Variants in TRMT11 observed in about 807,000 individuals in gnomAD.
TRMT11 encodes tRNA (guanine(10)-N(2))-methyltransferase TRMT11.
A neutral mutation model predicts 62.8 loss-of-function variants in TRMT11; 53 were observed. The observed-to-expected ratio is 0.84, with a 90% confidence interval of 0.68 to 1.06. TRMT11 has a LOEUF of 1.06. Ranked by LOEUF, TRMT11 falls within the 50% of genes least tolerant of loss-of-function variation. The pLI is 0.00. For missense variants in TRMT11, 556 were observed against 553.4 expected, an observed-to-expected ratio of 1.00 and a Z score of -0.05; for synonymous variants, 188 against 190.3, an observed-to-expected ratio of 0.99 and a Z score of 0.10.
intron 16 of TRMT11, among the ~76,000 whole-genome samples, chr6:126,045,187 C>T (rs76224572): frequency 7.9e-6 from 1 of 126,902 alleles, no homozygotes; most frequent in East Asian, 2.4e-4. Context: ...GACTCCATCT[C>T]AAAAAAAAAA....
intron 17 of TRMT11, among the ~76,000 whole-genome samples, chr6:126,111,903 C>T (rs1394513877): frequency 6.6e-6 from 1 of 152,088 alleles, no homozygotes; most frequent in African/African-American, 2.4e-5. Context: ...TGCCTAATTT[C>T]TAGTGTGGCT....
chr6:126,072,306 T>G (rs991931158), intron 17 of TRMT11, among the ~76,000 whole-genome samples: 6 of 152,204 alleles, frequency 3.9e-5, no homozygotes, highest in African/African-American at 1.4e-4. Flanking sequence ...CTGAGTCTGA[T>G]CCTCATATGA....
At chr6:126,089,521 C>T (rs192639316) in intron 17 of TRMT11, among the ~76,000 whole-genome samples, 17 of 152,228 alleles carry the variant, frequency 1.1e-4, no homozygotes, top group African/African-American at 3.1e-4. Context: ...AAACTTACCC[C>T]GGGTCACATG....
chr6:126,011,418 G>A lies in TRMT11; in HGVS notation c.925+1G>A, dbSNP rs187345220. 65 of 1,606,362 alleles carry A rather than the reference G, an allele frequency of 4.0e-5. No individual in the cohort carries two copies. The Admixed American group carries it at 7.7e-4, about 19-fold the overall frequency. On this transcript the variant is annotated splice_donor_variant, in intron 9 of 12. Transcript: ENST00000334379. LOFTEE classifies it high-confidence loss of function. ...TATTTTGATGCAATCATTACTGATC[G>A]TAAGTTTATTTTTATACAAAAGTAG...
chr6:126,131,081 T>C (rs945268051), intron 21 of TRMT11, among the ~76,000 whole-genome samples: 12 of 152,080 alleles, frequency 7.9e-5, no homozygotes, highest in African/African-American at 2.7e-4. Context: ...TTGGCAGACA[T>C]AGACAAACAC....
At chr6:126,208,507 C>T (rs998715931), downstream of TRMT11, among the ~76,000 whole-genome samples, 2 of 151,864 alleles carry the variant, frequency 1.3e-5, no homozygotes, top group African/African-American at 4.8e-5. Context: ...ACGTGAAAAC[C>T]AAAACATATA....
chr6:126,169,172 G>A (rs1398691227), intron 21 of TRMT11, among the ~76,000 whole-genome samples: 2 of 152,160 alleles, frequency 1.3e-5, no homozygotes, highest in South Asian at 2.1e-4. Context: ...AATGTGACAC[G>A]TGCTCCCAGT....
intron 21 of TRMT11, among the ~76,000 whole-genome samples, chr6:126,158,835 G>C (rs1021037860): frequency 6.6e-6 from 1 of 152,090 alleles, no homozygotes; most frequent in Non-Finnish European, 1.5e-5. Context: ...AGTTACTGTG[G>C]GAAGTTCTAG....
chr6:125,987,030 G>A (rs958578012), intron 1 of TRMT11: 12 of 187,120 alleles, frequency 6.4e-5, no homozygotes. Flanking sequence ...TGATGGAGAA[G>A]TTGAGAAGAG....
chr6:125,997,726 C>G (rs1791770941), intron 3 of TRMT11, among the ~76,000 whole-genome samples: 1 of 152,214 alleles, frequency 6.6e-6, no homozygotes, highest in Non-Finnish European at 1.5e-5. Context: ...CCAGGCTGGT[C>G]TTGAACTCCT....
At chr6:126,000,006 C>T (rs1336124986) in intron 7 of TRMT11, among the ~76,000 whole-genome samples, 1 of 152,154 alleles carries the variant, frequency 6.6e-6, no homozygotes, top group Admixed American at 6.6e-5. Flanking sequence ...TAAATGTACT[C>T]ATACAGTTTA....
At chr6:126,149,524 C>T (rs1375538689) in intron 21 of TRMT11, among the ~76,000 whole-genome samples, 1 of 152,136 alleles carries the variant, frequency 6.6e-6, no homozygotes, top group Non-Finnish European at 1.5e-5. Flanking sequence ...AAAAGTGAAA[C>T]TCAGTAACTT....
At chr6:126,072,080 C>T (rs1776875644) in intron 17 of TRMT11, among the ~76,000 whole-genome samples, 1 of 152,128 alleles carries the variant, frequency 6.6e-6, no homozygotes, top group Non-Finnish European at 1.5e-5. Context: ...TCACTTGCAC[C>T]TAGTTCAGAG....
chr6:126,031,991 G>A (rs1189518194), intron 12 of TRMT11, among the ~76,000 whole-genome samples: 2 of 152,158 alleles, frequency 1.3e-5, no homozygotes, highest in Non-Finnish European at 2.9e-5. Context: ...CGGGGAGGTA[G>A]ATATGGCAGG....
At chr6:126,208,022 T>C (rs1346245139), downstream of TRMT11, among the ~76,000 whole-genome samples, 1 of 152,162 alleles carries the variant, frequency 6.6e-6, no homozygotes, top group Non-Finnish European at 1.5e-5. Context: ...TGTTTGTGAG[T>C]AATGATTTAC....
At chr6:126,022,593 T>C (rs1459840677) in intron 12 of TRMT11, among the ~76,000 whole-genome samples, 1 of 152,208 alleles carries the variant, frequency 6.6e-6, no homozygotes, top group East Asian at 1.9e-4. Context: ...AGTTTATATG[T>C]TGAATGAATC....
At chr6:126,071,168 A>C (rs1374296506) in intron 17 of TRMT11, among the ~76,000 whole-genome samples, 3 of 151,100 alleles carry the variant, frequency 2.0e-5, no homozygotes, top group Admixed American at 2.0e-4. Flanking sequence ...GTAGTTTTCC[A>C]CTCTCAGTGA....
At chr6:126,240,570 G>A in the TRMT11 span, among the ~76,000 whole-genome samples, 4 of 152,202 alleles carry the variant, frequency 2.6e-5, no homozygotes, top group Admixed American at 6.5e-5. Flanking sequence ...TCCTCTGGAA[G>A]TTTTGTCTCA....
At chr6:126,247,991 A>G in the TRMT11 span, among the ~76,000 whole-genome samples, 4 of 152,134 alleles carry the variant, frequency 2.6e-5, no homozygotes, top group Admixed American at 6.6e-5. Flanking sequence ...GAATGCTTCC[A>G]CTTATTGCTT....
Sources: gnomAD v4.1 joint callset for allele counts (sites outside exome capture counted in the v4.1 genomes callset) on GRCh38, gnomAD v4.1.1 for gene constraint, MANE v1.5 for transcripts, NCBI Gene and HGNC (gene_info 2026-07-23, HGNC 2026-07-21) for gene names.